The following LGSN variants were observed in gnomAD, a reference collection of about 807,000 sequenced individuals.
The protein encoded by LGSN is lengsin, lens protein with glutamine synthetase domain.
LGSN carries 21 observed loss-of-function variants against 19.5 expected under a neutral mutation model. The observed-to-expected ratio is 1.07, with a 90% CI of 0.76 to 1.55. The LOEUF is 1.55. Among genes scored for constraint, LGSN ranks in the 40% most tolerant of loss-of-function variants. The probability of loss-of-function intolerance (pLI) is 0.00; values close to 1 mark genes in which losing one functional copy is unlikely to be tolerated. For synonymous variants in LGSN, 257 were observed against 215.6 expected (o/e 1.19, Z -1.68); for missense variants, 673 against 608.5 (o/e 1.11, Z -1.12).
chr6:63,331,258 A>T, the LGSN span, among the ~76,000 whole-genome samples: 1 of 152,158 alleles, frequency 6.6e-6, no homozygotes, highest in East Asian at 1.9e-4. Context: ...ATTCTCCCTC[A>T]ATGAAAAGAA....
chr6:63,319,334 T>C (rs922346016), intron 1 of LGSN, among the ~76,000 whole-genome samples: 2 of 152,210 alleles, frequency 1.3e-5, no homozygotes, highest in Non-Finnish European at 1.5e-5. Flanking sequence ...TGCCTCCAAG[T>C]CTGCACTTCA....
At chr6:63,551,315 C>T in the LGSN span, among the ~76,000 whole-genome samples, 34 of 152,174 alleles carry the variant, frequency 2.2e-4, no homozygotes, top group Admixed American at 5.9e-4. Context: ...ATCTGCCTGT[C>T]TTGGCCTCCT....
chr6:63,490,731 G>A, the LGSN span, among the ~76,000 whole-genome samples: 81,410 of 151,804 alleles, frequency 0.54, 23,647 homozygotes, highest in African/African-American at 0.77. Context: ...GTGCCACCAC[G>A]CCCGGCTACC....
At chr6:63,481,941 T>TA in the LGSN span, 12 of 166,530 alleles carry the variant, frequency 7.2e-5, no homozygotes, top group East Asian at 1.3e-3. Flanking sequence ...GTTAATTTAG[T>TA]AAAAAAACAA....
At chr6:63,381,015 G>T in the LGSN span, among the ~76,000 whole-genome samples, 4 of 151,992 alleles carry the variant, frequency 2.6e-5, no homozygotes, top group African/African-American at 9.7e-5. Flanking sequence ...TGGGCAACAC[G>T]GCAAAACCTC....
At chr6:63,373,857 C>A in the LGSN span, among the ~76,000 whole-genome samples, 5 of 151,832 alleles carry the variant, frequency 3.3e-5, no homozygotes, top group African/African-American at 4.8e-5. Context: ...ATGGCTTGAA[C>A]CCAGGAGCTG....
chr6:63,475,405 C>T, the LGSN span, among the ~76,000 whole-genome samples: 2 of 151,258 alleles, frequency 1.3e-5, no homozygotes, highest in African/African-American at 2.4e-5. Flanking sequence ...ATCATACCAA[C>T]CCAACATGGT....
chr6:63,301,634 A>G (rs891652068), intron 1 of LGSN, among the ~76,000 whole-genome samples: 2 of 152,164 alleles, frequency 1.3e-5, no homozygotes, highest in Non-Finnish European at 2.9e-5. Context: ...AGTAAAATTC[A>G]TAATTCTCTG....
At chr6:63,487,979 C>CA in the LGSN span, among the ~76,000 whole-genome samples, 11,720 of 147,328 alleles carry the variant, frequency 0.08, 1,502 homozygotes, top group African/African-American at 0.27. Flanking sequence ...GACCCCATCT[C>CA]AAAAAAATAA....
chr6:63,371,615 G>A, the LGSN span, among the ~76,000 whole-genome samples: 45 of 152,336 alleles, frequency 3.0e-4, no homozygotes, highest in African/African-American at 1.1e-3. Flanking sequence ...GTTCACTGCA[G>A]CTGCTGAAGT....
the LGSN span, among the ~76,000 whole-genome samples, chr6:63,486,820 TTTATTATTATTA>T: frequency 4.1e-5 from 6 of 146,170 alleles, no homozygotes; most frequent in East Asian, 2.0e-4. Context: ...GTATGTTTAT[TTTATTATTATTA>T]TTATTATTAT....
At chr6:63,467,689 T>C in the LGSN span, among the ~76,000 whole-genome samples, 1 of 114,438 alleles carries the variant, frequency 8.7e-6, no homozygotes, top group African/African-American at 2.6e-5. Context: ...TCTCATTTAA[T>C]CTTTTTGTTT....
At chr6:63,527,298 A>T in the LGSN span, among the ~76,000 whole-genome samples, 1 of 152,140 alleles carries the variant, frequency 6.6e-6, no homozygotes, top group Non-Finnish European at 1.5e-5. Flanking sequence ...TTCCTCCTAG[A>T]TTTATAAACT....
chr6:63,342,587 C>A, the LGSN span, among the ~76,000 whole-genome samples: 4 of 152,084 alleles, frequency 2.6e-5, no homozygotes, highest in Non-Finnish European at 4.4e-5. Context: ...TGAACTTGAA[C>A]GTCAGTGTCC....
the LGSN span, among the ~76,000 whole-genome samples, chr6:63,489,457 T>C: frequency 6.6e-6 from 1 of 151,354 alleles, no homozygotes; most frequent in Non-Finnish European, 1.5e-5. Context: ...CAACCTTCAC[T>C]TCCCAGGCTC....
the LGSN span, among the ~76,000 whole-genome samples, chr6:63,335,916 C>T: frequency 6.6e-6 from 1 of 151,672 alleles, no homozygotes; most frequent in Non-Finnish European, 1.5e-5. Flanking sequence ...TGAAGTCAAC[C>T]TAAGTGTCCA....
At chr6:63,404,732 A>T in the LGSN span, among the ~76,000 whole-genome samples, 2 of 152,048 alleles carry the variant, frequency 1.3e-5, no homozygotes, top group Non-Finnish European at 2.9e-5. Flanking sequence ...ATTTCAACTA[A>T]CTTTTATGGG....
chr6:63,496,671 C>T, the LGSN span, among the ~76,000 whole-genome samples: 1 of 150,116 alleles, frequency 6.7e-6, no homozygotes, highest in East Asian at 1.9e-4. Flanking sequence ...TTACTATAAC[C>T]TTGAACTTCT....
intron 1 of LGSN, among the ~76,000 whole-genome samples, chr6:63,310,169 C>G (rs1237971113): frequency 6.6e-6 from 1 of 152,164 alleles, no homozygotes; most frequent in Non-Finnish European, 1.5e-5. Context: ...TGTTGATTAT[C>G]TAGCCTGTCC....
Sources: allele counts gnomAD v4.1 joint callset (sites outside exome capture counted in the v4.1 genomes callset), GRCh38; gene constraint gnomAD v4.1.1; transcripts MANE v1.5; gene names NCBI Gene and HGNC (gene_info 2026-07-23, HGNC 2026-07-21).